The following FAXDC2 variants were observed in gnomAD, a reference collection of about 807,000 sequenced individuals.
The protein encoded by FAXDC2 is fatty acid hydroxylase domain containing 2.
FAXDC2 carries 41 observed loss-of-function variants against 40.9 expected under a neutral mutation model. The ratio of observed to expected loss-of-function variants is 1.00; its 90% CI spans 0.78 to 1.30. The LOEUF (loss-of-function observed/expected upper bound fraction) is 1.30. FAXDC2 is among the 50% of genes most tolerant of loss of function. The pLI is 0.00. For synonymous variants in FAXDC2, 157 were observed against 149.3 expected, an observed-to-expected ratio of 1.05 and a Z score of -0.38; for missense variants, 390 against 408.8, an observed-to-expected ratio of 0.95 and a Z score of 0.40.
In FAXDC2 at chr5:154,820,264, G is replaced by A. The variant is rs1049181830; in HGVS notation, c.*52C>T. ...AATTGTTAGGTGCAATCAGGAAGCC[G>A]TGTCTGCATCCCATGGCTGAGGGAC... On this transcript the variant is annotated 3_prime_UTR_variant, in exon 9 of 9. Coordinates refer to ENST00000326080, the MANE Select transcript of FAXDC2 (RefSeq NM_032385.5). 9 of 1,452,070 alleles carry A rather than the reference G, an allele frequency of 6.2e-6. No individual in the cohort carries two copies. The Admixed American group carries it at 8.3e-5, about 13-fold the overall frequency. The allele number at this position is 1,452,070 out of a possible 1,614,324, so 89.9% of individuals were successfully genotyped here. A position where few individuals can be genotyped will look rare whatever the true frequency, so the allele number is the denominator to read the frequency against.
intron 1 of FAXDC2, chr5:154,838,808 A>T (rs1760414988): frequency 6.6e-6 from 1 of 152,496 alleles, no homozygotes. Context: ...CGTGTTAGCC[A>T]GGATGGTCTC....
At chr5:154,835,037 C>A in intron 2 of FAXDC2, 103 bp from the exon 3 acceptor site, 1 of 740,984 alleles carries the variant, frequency 1.3e-6, no homozygotes, top group South Asian at 1.6e-5. Context: ...AGCATCTCAA[C>A]CAACCAGGAA....
intron 5 of FAXDC2, among the ~76,000 whole-genome samples, chr5:154,827,305 CAAA>C (rs1324808409): frequency 1.2e-5 from 1 of 86,748 alleles, no homozygotes. Flanking sequence ...GAGACTGTCT[CAAA>C]AAAAAAAAAA....
rs530537620 is a variant in FAXDC2 at position 154,846,094 on chromosome 5, G to A, written c.-1+4389C>T. Among the ~76,000 whole-genome samples the A allele has an allele frequency of 2.6e-4, 39 of 151,944 alleles. No homozygotes were observed. In the South Asian group the frequency reaches 2.9e-3, roughly 11 times the overall value. On this transcript the variant is annotated intron_variant, in intron 1 of 8. Transcript: ENST00000326080. ...TGGGATTACAAGCGTGAGCCACCAC[G>A]CCCAGCCTGGACACATATTAGTGGC... is the stretch of plus-strand genomic sequence containing the variant.
At chr5:154,827,385 G>C (rs963985839) in intron 5 of FAXDC2, among the ~76,000 whole-genome samples, 1 of 149,294 alleles carries the variant, frequency 6.7e-6, no homozygotes, top group Admixed American at 6.7e-5. Context: ...CTCTCTCAAA[G>C]AACTTTGCTA....
chr5:154,833,450 A>G (rs1451495934), intron 4 of FAXDC2, among the ~76,000 whole-genome samples: 5 of 151,104 alleles, frequency 3.3e-5, no homozygotes, highest in African/African-American at 1.2e-4. Context: ...GGTTCAAGCA[A>G]TTCTCATGCC....
intron 4 of FAXDC2, among the ~76,000 whole-genome samples, chr5:154,833,976 T>C (rs1053870825): frequency 1.3e-5 from 2 of 151,202 alleles, no homozygotes; most frequent in African/African-American, 4.8e-5. Context: ...CCTCCCATCT[T>C]AAATATTTCT....
At chr5:154,823,892 C>T (rs1759952083) in intron 5 of FAXDC2, 1 of 378,182 alleles carries the variant, frequency 2.6e-6, no homozygotes, top group South Asian at 3.0e-5. Flanking sequence ...TTTCTCTGGC[C>T]AGGCCCCATG....
At chr5:154,833,779 T>C (rs1344672958) in intron 4 of FAXDC2, among the ~76,000 whole-genome samples, 1 of 152,062 alleles carries the variant, frequency 6.6e-6, no homozygotes. Context: ...TGATTCTCCC[T>C]GCCTCAGCCT....
In FAXDC2 at chr5:154,823,399, T is replaced by C. The variant is rs1759936141; in HGVS notation, c.560A>G (p.Tyr187Cys). ...IFTLIEEVLF[Y>C]YSHRLLHHPT... is the part of the protein sequence containing the mutation. ...AGGGCCTGCTCACCGGTGTGAATAG[T>C]AGAACAAGACTTCCTCGATCAGCGT... The change falls in exon 6 of 9, where the codon TAC (tyrosine) becomes TGC (cysteine). Residue 187 changes from tyrosine (Y) to cysteine (C), a missense_variant. Transcript: ENST00000326080. 2 of 1,613,394 alleles carry C rather than the reference T, an allele frequency of 1.2e-6. No individual in the cohort carries two copies. The highest frequency in any genetic ancestry group is 1.7e-6 in the Non-Finnish European group (2 of 1,179,982).
intron 1 of FAXDC2, among the ~76,000 whole-genome samples, chr5:154,849,255 G>C (rs561777227): frequency 9.9e-5 from 15 of 152,232 alleles, no homozygotes; most frequent in African/African-American, 3.6e-4. Context: ...ACTCCAGCCT[G>C]GGTGACAGAA....
chr5:154,847,783 G>A (rs1030665424), intron 1 of FAXDC2, among the ~76,000 whole-genome samples: 10 of 151,512 alleles, frequency 6.6e-5, no homozygotes, highest in African/African-American at 2.4e-4. Context: ...GAGCCACTGC[G>A]CCTGGCCCAG....
chr5:154,826,583 G>C (rs1185583792), intron 5 of FAXDC2, among the ~76,000 whole-genome samples: 1 of 151,764 alleles, frequency 6.6e-6, no homozygotes, highest in African/African-American at 2.4e-5. Flanking sequence ...AGAGAGCAGG[G>C]TGTCCTGGAA....
chr5:154,826,075 G>A (rs993802886), intron 5 of FAXDC2, among the ~76,000 whole-genome samples: 3 of 152,016 alleles, frequency 2.0e-5, no homozygotes, highest in African/African-American at 4.8e-5. Flanking sequence ...GTGAGCTGTC[G>A]GCCTATGGAT....
intron 1 of FAXDC2, among the ~76,000 whole-genome samples, chr5:154,849,214 A>T (rs941024898): frequency 1.3e-5 from 2 of 152,102 alleles, no homozygotes; most frequent in Non-Finnish European, 2.9e-5. Flanking sequence ...CAGGAGGTGG[A>T]GGTTGCAGTG....
chr5:154,846,080 G>A (rs1760592860), intron 1 of FAXDC2, among the ~76,000 whole-genome samples: 1 of 151,890 alleles, frequency 6.6e-6, no homozygotes, highest in South Asian at 2.1e-4. Flanking sequence ...GGGATTACAA[G>A]CGTGAGCCAC....
At chr5:154,834,542 C>G in intron 4 of FAXDC2, 83 bp downstream of exon 4, 1 of 1,049,542 alleles carries the variant, frequency 9.5e-7, no homozygotes, top group Non-Finnish European at 1.4e-6. Context: ...TGAAAAGTCC[C>G]AAAGTAGAGA....
intron 5 of FAXDC2, among the ~76,000 whole-genome samples, chr5:154,829,267 C>G (rs1390531809): frequency 6.6e-6 from 1 of 152,196 alleles, no homozygotes; most frequent in Non-Finnish European, 1.5e-5. Flanking sequence ...GTGAACTAGC[C>G]ATTCAGGCAG....
At chr5:154,846,011 C>T (rs1040154698) in intron 1 of FAXDC2, among the ~76,000 whole-genome samples, 2 of 151,286 alleles carry the variant, frequency 1.3e-5, no homozygotes, top group Non-Finnish European at 2.9e-5. Context: ...ACCATGTTGG[C>T]CAGGATGGTC....
Sources: gnomAD v4.1 joint callset for allele counts (sites outside exome capture counted in the v4.1 genomes callset) on GRCh38, gnomAD v4.1.1 for gene constraint, MANE v1.5 for transcripts, NCBI Gene and HGNC (gene_info 2026-07-23, HGNC 2026-07-21) for gene names.